PGRMC2: variants seen among roughly 807,000 people sequenced by gnomAD.
The protein encoded by PGRMC2 is membrane-associated progesterone receptor component 2.
PGRMC2 carries 9 observed loss-of-function variants against 19.3 expected under a neutral mutation model. The observed-to-expected ratio is 0.47, with a 90% CI of 0.28 to 0.81. The LOEUF is 0.81. Among genes scored for constraint, PGRMC2 ranks in the 40% least tolerant of loss-of-function variants. The pLI is 0.11. For missense variants in PGRMC2, 289 were observed against 297.3 expected (o/e 0.97, Z 0.21); for synonymous variants, 157 against 124.6 (o/e 1.26, Z -1.73).
At chr4:128,285,902 G>A (rs1760975477) in intron 1 of PGRMC2, among the ~76,000 whole-genome samples, 1 of 152,022 alleles carries the variant, frequency 6.6e-6, no homozygotes, top group African/African-American at 2.4e-5. Flanking sequence ...CAAAAACTCT[G>A]TAAGCTATGT....
At chr4:128,274,174 A>G (rs1018395629) in intron 1 of PGRMC2, among the ~76,000 whole-genome samples, 2 of 152,210 alleles carry the variant, frequency 1.3e-5, no homozygotes, top group African/African-American at 2.4e-5. Flanking sequence ...ACAATTTACC[A>G]CTGGCCAATA....
At chr4:128,272,112 T>C (rs1350929242) in intron 2 of PGRMC2, among the ~76,000 whole-genome samples, 3 of 152,204 alleles carry the variant, frequency 2.0e-5, no homozygotes, top group African/African-American at 7.2e-5. Context: ...TGCAATTTCT[T>C]TTTTTGGACA....
chr4:128,276,651 ATGATCTGGTTATTTTTTATTATT>A (rs1760817817), intron 1 of PGRMC2, among the ~76,000 whole-genome samples: 1 of 152,180 alleles, frequency 6.6e-6, no homozygotes. Context: ...GCTAGTTTAC[ATGATCTGGTTATTTTTTATTATT>A]AAGGCTCATT....
At chr4:128,275,899 T>C (rs1230403601) in intron 1 of PGRMC2, among the ~76,000 whole-genome samples, 1 of 152,108 alleles carries the variant, frequency 6.6e-6, no homozygotes, top group Non-Finnish European at 1.5e-5. Context: ...ATAATTTCTT[T>C]TATTTTTTGT....
At chr4:128,275,737 G>GT (rs1052661769) in intron 1 of PGRMC2, among the ~76,000 whole-genome samples, 1 of 151,792 alleles carries the variant, frequency 6.6e-6, no homozygotes, top group Non-Finnish European at 1.5e-5. Context: ...TTTTTTTGTT[G>GT]TTTTTTGAGA....
chr4:128,286,878 CAAAAAA>C, intron 1 of PGRMC2: 1 of 328,136 alleles, frequency 3.0e-6, no homozygotes, highest in East Asian at 4.2e-5. Flanking sequence ...AGATCAGTGG[CAAAAAA>C]AAAAAAAAAG....
At chr4:128,278,127 C>T (rs1186226402) in intron 1 of PGRMC2, among the ~76,000 whole-genome samples, 1 of 152,144 alleles carries the variant, frequency 6.6e-6, no homozygotes, top group African/African-American at 2.4e-5. Context: ...GCCCGTGCCA[C>T]TTATGGGAGT....
rs1458377827 is a variant in PGRMC2, at chr4:128,270,709, T to C, written c.*607A>G. ...AGCTCTGACTTAAACCCACCTGAAATTCCTTCTCCTAATTTCCAAAGATTT... is the reference window on the plus strand; with the variant it reads ...AGCTCTGACTTAAACCCACCTGAAACTCCTTCTCCTAATTTCCAAAGATTT... On this transcript the variant is annotated 3_prime_UTR_variant, in exon 3 of 3. Coordinates refer to ENST00000296425, the MANE Select transcript of PGRMC2 (RefSeq NM_006320.6). 2.0e-5 allele frequency: 3 copies of C among 152,290 alleles called. No individual in the cohort carries two copies. 9.4% of individuals were successfully genotyped at this position (152,290 alleles called of 1,614,324 possible).
chr4:128,275,419 T>G (rs1760795168), intron 1 of PGRMC2, among the ~76,000 whole-genome samples: 1 of 152,180 alleles, frequency 6.6e-6, no homozygotes, highest in Admixed American at 6.5e-5. Flanking sequence ...ACTGAATGAA[T>G]AATAATAATA....
intron 1 of PGRMC2, chr4:128,286,770 G>A: frequency 5.0e-6 from 2 of 398,038 alleles, no homozygotes; most frequent in Non-Finnish European, 8.9e-6. Flanking sequence ...GAGAGTCCGA[G>A]GTGTTGCTTA....
chr4:128,286,971 C>T (rs923809589), intron 1 of PGRMC2: 2 of 379,708 alleles, frequency 5.3e-6, no homozygotes, highest in Non-Finnish European at 9.3e-6. Context: ...ATCTCCCTTC[C>T]CTGGTGCCCC....
chr4:128,274,233 G>A (rs978199512), intron 1 of PGRMC2, among the ~76,000 whole-genome samples: 51 of 152,078 alleles, frequency 3.4e-4, no homozygotes, highest in Non-Finnish European at 6.6e-4. Flanking sequence ...ATTCAAAAGG[G>A]TATTAACCAG....
chr4:128,280,774 T>G (rs923255731), intron 1 of PGRMC2, among the ~76,000 whole-genome samples: 1 of 152,110 alleles, frequency 6.6e-6, no homozygotes, highest in Non-Finnish European at 1.5e-5. Flanking sequence ...ATTTTTTATA[T>G]TTTTGTAAGA....
At chr4:128,282,454 T>A (rs1760922082) in intron 1 of PGRMC2, among the ~76,000 whole-genome samples, 1 of 152,238 alleles carries the variant, frequency 6.6e-6, no homozygotes, top group African/African-American at 2.4e-5. Flanking sequence ...AGCTATCCTT[T>A]TATAATATGC....
At chr4:128,272,651 T>A in intron 1 of PGRMC2, 134 bp from the exon 2 acceptor site, 2 of 478,388 alleles carry the variant, frequency 4.2e-6, no homozygotes, top group Non-Finnish European at 6.8e-6. Context: ...TATATACCCT[T>A]AATTTCAAAA....
Position 128,287,644 on chromosome 4 carries a change from C to A in PGRMC2, c.147G>T (p.Thr49=), listed in dbSNP as rs569644360. The A allele has an allele frequency of 1.1e-5, 17 of 1,537,414 alleles. No homozygotes were observed. Among genetic ancestry groups the A allele is most frequent in the Non-Finnish European group, 1.4e-5 (16 of 1,145,544 alleles). The part of the protein sequence containing the change: ...GWAAAALALL[T]GGGEMLLNVA... ...CGTTCAGCAGCATTTCCCCGCCCCC[C>A]GTCAGAAGCGCCAACGCCGCCGCCG... The change falls in exon 1 of 3, where the codon ACG becomes ACT. Residue 49 remains threonine (T), a synonymous_variant. Transcript: ENST00000296425.
intron 1 of PGRMC2, among the ~76,000 whole-genome samples, chr4:128,279,132 C>T (rs1234488416): frequency 6.6e-6 from 1 of 151,890 alleles, no homozygotes; most frequent in Non-Finnish European, 1.5e-5. Context: ...CGCTTGAACC[C>T]AGCAGGCAGA....
intron 1 of PGRMC2, among the ~76,000 whole-genome samples, chr4:128,285,135 AT>A (rs202052009): frequency 0.049 from 7,393 of 151,336 alleles, 615 homozygotes; most frequent in African/African-American, 0.17. Context: ...TTAATTTTTA[AT>A]TTTTTTTTAT....
At chr4:128,276,839 G>A (rs1247074246) in intron 1 of PGRMC2, among the ~76,000 whole-genome samples, 1 of 152,118 alleles carries the variant, frequency 6.6e-6, no homozygotes, top group South Asian at 2.1e-4. Context: ...CAAATACTCT[G>A]AAATATACTT....
Sources: allele counts gnomAD v4.1 joint callset (sites outside exome capture counted in the v4.1 genomes callset), GRCh38; gene constraint gnomAD v4.1.1; transcripts MANE v1.5; gene names NCBI Gene and HGNC (gene_info 2026-07-23, HGNC 2026-07-21).